The following CAMK2D variants were observed in gnomAD, a reference collection of about 807,000 sequenced individuals.
The protein encoded by CAMK2D is calcium/calmodulin-dependent protein kinase type II subunit delta.
A neutral mutation model predicts 84.0 loss-of-function variants in CAMK2D; 37 were observed. The ratio of observed to expected loss-of-function variants is 0.44; its 90% CI spans 0.34 to 0.58. The LOEUF is 0.58. Among genes scored for constraint, CAMK2D ranks in the 20% least tolerant of loss-of-function variants. The pLI is 0.02. For synonymous variants in CAMK2D, 202 were observed against 212.5 expected (o/e 0.95, Z 0.43); for missense variants, 448 against 652.5 (o/e 0.69, Z 3.41).
Position 113,457,446 on chromosome 4 carries a change from C to T in CAMK2D, c.1424G>A (p.Ser475Asn), listed in dbSNP as rs1413207475. ...TGACTGCATTGTCTTTGGCATTCCA[C>T]TGCCATCCATGTACTGTGTGAGCCT... ...YIRLTQYMDG[S>N]GMPKTMQSEE... Residue 475 changes from serine (S) to asparagine (N), a missense_variant, in exon 19 of 21, where the codon AGT becomes AAT. Transcript: ENST00000511664. 6.2e-7 allele frequency: 1 copy of T among 1,613,886 alleles called. No individual in the cohort carries two copies. Among genetic ancestry groups the T allele is most frequent in the Admixed American group, 1.7e-5 (1 of 60,002 alleles).
chr4:113,530,747 T>G (rs2098452448), intron 8 of CAMK2D, among the ~76,000 whole-genome samples: 1 of 152,180 alleles, frequency 6.6e-6, no homozygotes, highest in Non-Finnish European at 1.5e-5. Context: ...CCGAATCTCC[T>G]GGCACCTTGA....
intron 4 of CAMK2D, among the ~76,000 whole-genome samples, chr4:113,573,123 G>A (rs558735829): frequency 6.6e-5 from 10 of 152,248 alleles, no homozygotes; most frequent in African/African-American, 2.2e-4. Context: ...ATGTAATAGC[G>A]TGTACAACGA....
At position 113,751,563 on chromosome 4, in the gene CAMK2D, T is replaced by G. The variant is rs570885029; in HGVS notation, c.160+7757A>C. ...TAAGTGGGTGGATCACGAGGTCCGG[T>G]GTTCGAGACCAGCCTGACCAACATG... On this transcript the variant is annotated intron_variant, in intron 2 of 20. Coordinates refer to ENST00000511664, the MANE Select transcript of CAMK2D (RefSeq NM_001321571.2). Among the ~76,000 whole-genome samples, 61 of 152,190 alleles carry G rather than the reference T, an allele frequency of 4.0e-4. 1 individual carries two copies. The South Asian group carries it at 0.013, about 32-fold the overall frequency.
At chr4:113,680,044 A>C (rs1160772622) in intron 2 of CAMK2D, among the ~76,000 whole-genome samples, 1 of 152,152 alleles carries the variant, frequency 6.6e-6, no homozygotes, top group Non-Finnish European at 1.5e-5. Flanking sequence ...TTTCCCTTCT[A>C]CTAGTCCTTT....
intron 2 of CAMK2D, among the ~76,000 whole-genome samples, chr4:113,700,549 G>A (rs2099414712): frequency 6.6e-6 from 1 of 151,858 alleles, no homozygotes; most frequent in African/African-American, 2.4e-5. Context: ...CCTTCAAATT[G>A]AGAAAAAACA....
At chr4:113,478,968 A>G (rs1032711169) in intron 16 of CAMK2D, among the ~76,000 whole-genome samples, 2 of 152,126 alleles carry the variant, frequency 1.3e-5, no homozygotes, top group Non-Finnish European at 2.9e-5. Context: ...AATTCTCTCC[A>G]TAACATTTAC....
chr4:113,516,036 T>C (rs1005115610), intron 9 of CAMK2D, among the ~76,000 whole-genome samples: 2 of 152,194 alleles, frequency 1.3e-5, no homozygotes, highest in Non-Finnish European at 2.9e-5. Context: ...TGCAAAATGA[T>C]AGAATATCAG....
At chr4:113,458,687 TTTTG>T (rs1454174826) in intron 18 of CAMK2D, among the ~76,000 whole-genome samples, 1 of 152,180 alleles carries the variant, frequency 6.6e-6, no homozygotes, top group African/African-American at 2.4e-5. Flanking sequence ...AAATAGTTCT[TTTTG>T]TTTATTTGTT....
At chr4:113,492,248 G>A (rs1421957784) in intron 16 of CAMK2D, among the ~76,000 whole-genome samples, 1 of 151,654 alleles carries the variant, frequency 6.6e-6, no homozygotes, top group Admixed American at 6.6e-5. Flanking sequence ...TGTCAATTTT[G>A]GATCTTTCCT....
chr4:113,620,200 C>T (rs1475723675), intron 3 of CAMK2D, among the ~76,000 whole-genome samples: 1 of 152,030 alleles, frequency 6.6e-6, no homozygotes, highest in Non-Finnish European at 1.5e-5. Context: ...AACATCTGTC[C>T]ATCCCTTGGT....
At chr4:113,630,180 T>C (rs1320268534) in intron 3 of CAMK2D, among the ~76,000 whole-genome samples, 1 of 152,200 alleles carries the variant, frequency 6.6e-6, no homozygotes, top group African/African-American at 2.4e-5. Flanking sequence ...TTGAATTGTT[T>C]GGGCATGGAG....
At chr4:113,655,224 CAGA>C (rs1399051401) in intron 3 of CAMK2D, among the ~76,000 whole-genome samples, 2 of 152,042 alleles carry the variant, frequency 1.3e-5, no homozygotes, top group Non-Finnish European at 2.9e-5. Flanking sequence ...AGGCCAGCAT[CAGA>C]AGGAGAATAA....
intron 2 of CAMK2D, among the ~76,000 whole-genome samples, chr4:113,728,556 C>G (rs2099552967): frequency 6.6e-6 from 1 of 152,142 alleles, no homozygotes; most frequent in South Asian, 2.1e-4. Context: ...TATGTGTATG[C>G]AACTGTGAAA....
Position 113,566,228 on chromosome 4 carries a change from T to C in CAMK2D, c.276-14132A>G, listed in dbSNP as rs889390888. Among the ~76,000 whole-genome samples, 3 of 152,216 alleles carry C rather than the reference T, an allele frequency of 2.0e-5. No homozygotes were observed. The South Asian group carries it at 6.2e-4, about 32-fold the overall frequency. ...TTCAAAGAGCAGGAATCCCCTTCTT[T>C]TAAAAACCATGTATCTTCCTAAAGC... On this transcript the variant is annotated intron_variant, in intron 4 of 20. Coordinates refer to ENST00000511664, the MANE Select transcript of CAMK2D (RefSeq NM_001321571.2).
intron 17 of CAMK2D, among the ~76,000 whole-genome samples, chr4:113,463,291 AT>A (rs1459451607): frequency 6.6e-5 from 10 of 152,098 alleles, no homozygotes; most frequent in Non-Finnish European, 1.2e-4. Flanking sequence ...TTCACACATA[AT>A]TTTACCTCTC....
chr4:113,748,436 C>A (rs2099609669), intron 2 of CAMK2D, among the ~76,000 whole-genome samples: 1 of 151,876 alleles, frequency 6.6e-6, no homozygotes, highest in Non-Finnish European at 1.5e-5. Flanking sequence ...ATATTTAATC[C>A]TCTAACCCAT....
chr4:113,694,472 A>G (rs2099397141), intron 2 of CAMK2D, among the ~76,000 whole-genome samples: 2 of 152,304 alleles, frequency 1.3e-5, no homozygotes, highest in South Asian at 4.1e-4. Flanking sequence ...CTATGAATGA[A>G]AAAGCCAAGA....
chr4:113,470,724 C>G (rs774918527), intron 16 of CAMK2D, among the ~76,000 whole-genome samples: 1 of 151,914 alleles, frequency 6.6e-6, no homozygotes, highest in Non-Finnish European at 1.5e-5. Flanking sequence ...ATAGCTGGCA[C>G]CTGATTTTTA....
intron 2 of CAMK2D, among the ~76,000 whole-genome samples, chr4:113,746,025 G>A (rs947647427): frequency 2.6e-5 from 4 of 152,152 alleles, no homozygotes; most frequent in African/African-American, 9.7e-5. Flanking sequence ...AATGTCTGAA[G>A]GTCTTTGAAT....
Sources: gnomAD v4.1 joint callset for allele counts (sites outside exome capture counted in the v4.1 genomes callset) on GRCh38, gnomAD v4.1.1 for gene constraint, MANE v1.5 for transcripts, NCBI Gene and HGNC (gene_info 2026-07-23, HGNC 2026-07-21) for gene names.